PRKCA: variants seen among roughly 807,000 people sequenced by gnomAD.
PRKCA encodes the protein protein kinase C alpha type.
Under a neutral mutation model 87.0 loss-of-function variants are expected in PRKCA, and 27 were observed. The observed-to-expected ratio is 0.31, with a 90% CI of 0.23 to 0.43. PRKCA has a LOEUF of 0.43. Ranked by LOEUF, PRKCA falls within the 20% of genes least tolerant of loss-of-function variation. The pLI, the probability that PRKCA is intolerant of heterozygous loss-of-function variation, is 1.00. For missense variants in PRKCA, 518 were observed against 852.3 expected (o/e 0.61, Z 4.88); for synonymous variants, 329 against 311.1 (o/e 1.06, Z -0.61).
chr17:66,505,068 G>A (rs1210488661), intron 3 of PRKCA, among the ~76,000 whole-genome samples: 3 of 152,084 alleles, frequency 2.0e-5, no homozygotes, highest in African/African-American at 7.2e-5. Context: ...AAGTTATTTC[G>A]GGGAAACACA....
chr17:66,355,029 A>G (rs1907969215), intron 2 of PRKCA, among the ~76,000 whole-genome samples: 1 of 152,216 alleles, frequency 6.6e-6, no homozygotes, highest in Non-Finnish European at 1.5e-5. Context: ...GAGGGGGCGA[A>G]AACAGAGTGA....
At chr17:66,606,998 G>A (rs959377662) in intron 3 of PRKCA, among the ~76,000 whole-genome samples, 4 of 152,194 alleles carry the variant, frequency 2.6e-5, no homozygotes, top group African/African-American at 9.7e-5. Context: ...CAGCGATGGA[G>A]TTGTGGTGGA....
At chr17:66,644,987 C>T (rs936052547) in intron 4 of PRKCA, among the ~76,000 whole-genome samples, 2 of 148,548 alleles carry the variant, frequency 1.3e-5, no homozygotes, top group African/African-American at 2.5e-5. Context: ...GAGACCCTGT[C>T]TGAAGAAAAA....
chr17:66,402,152 TC>T (rs1911069543), intron 2 of PRKCA, among the ~76,000 whole-genome samples: 1 of 152,038 alleles, frequency 6.6e-6, no homozygotes, highest in Admixed American at 6.6e-5. Context: ...GTCAGGAACT[TC>T]AGATGTAGCA....
At chr17:66,378,761 C>T (rs968319241) in intron 2 of PRKCA, among the ~76,000 whole-genome samples, 5 of 151,876 alleles carry the variant, frequency 3.3e-5, no homozygotes, top group African/African-American at 7.3e-5. Context: ...ATTAGCCTGG[C>T]GTGGTGGCAC....
chr17:66,455,577 T>C (rs974145766), intron 2 of PRKCA, among the ~76,000 whole-genome samples: 1 of 152,238 alleles, frequency 6.6e-6, no homozygotes, highest in Non-Finnish European at 1.5e-5. Flanking sequence ...TTAAAGGTGA[T>C]GGAAGTCTGG....
rs556366468 is a variant in PRKCA, at chr17:66,704,171, A to C, written c.918+15124A>C. On this transcript the variant is annotated intron_variant, in intron 8 of 16. Coordinates refer to ENST00000413366, the MANE Select transcript of PRKCA (RefSeq NM_002737.3). Reference sequence around the variant, plus strand: ...ATCTCAGCAAAGTTAAAAAAAAAAAAAAAACAGGAATAGGTTAAGTTCAGA... The same window carrying C: ...ATCTCAGCAAAGTTAAAAAAAAAAACAAAACAGGAATAGGTTAAGTTCAGA... Among the ~76,000 whole-genome samples, 6 of 152,250 alleles carry C rather than the reference A, an allele frequency of 3.9e-5. No homozygotes were observed. The South Asian group carries it at 6.2e-4, about 16-fold the overall frequency.
intron 2 of PRKCA, among the ~76,000 whole-genome samples, chr17:66,414,064 A>T (rs995780366): frequency 2.0e-5 from 3 of 151,932 alleles, no homozygotes; most frequent in African/African-American, 7.3e-5. Flanking sequence ...ATATAAATAG[A>T]TAGGGACGTA....
intron 2 of PRKCA, chr17:66,415,223 A>T (rs1315833830): frequency 6.6e-6 from 1 of 152,216 alleles, no homozygotes; most frequent in Admixed American, 6.5e-5. Context: ...ACTATGATTG[A>T]GCTAAAAGAT....
At chr17:66,506,221 T>G (rs1916969303) in intron 3 of PRKCA, among the ~76,000 whole-genome samples, 1 of 151,610 alleles carries the variant, frequency 6.6e-6, no homozygotes, top group South Asian at 2.1e-4. Context: ...GCTCAAACCC[T>G]GGAGGCGGAG....
At chr17:66,534,956 A>G (rs1458640251) in intron 3 of PRKCA, among the ~76,000 whole-genome samples, 1 of 152,196 alleles carries the variant, frequency 6.6e-6, no homozygotes, top group Non-Finnish European at 1.5e-5. Context: ...ATGCTTTGTT[A>G]CAATTATTTA....
intron 3 of PRKCA, among the ~76,000 whole-genome samples, chr17:66,514,590 C>T (rs1000406728): frequency 1.3e-5 from 2 of 152,114 alleles, no homozygotes; most frequent in African/African-American, 4.8e-5. Context: ...TGTTTCTGTG[C>T]GGGACCCGGC....
chr17:66,618,427 G>A (rs1011908213), intron 3 of PRKCA, among the ~76,000 whole-genome samples: 1 of 150,948 alleles, frequency 6.6e-6, no homozygotes, highest in Non-Finnish European at 1.5e-5. Context: ...TATACATACA[G>A]TCTTTACTCT....
chr17:66,317,360 T>A (rs1246026587), intron 2 of PRKCA, among the ~76,000 whole-genome samples: 1 of 152,144 alleles, frequency 6.6e-6, no homozygotes, highest in African/African-American at 2.4e-5. Flanking sequence ...AGTTTTCATC[T>A]GGGATTGAGA....
chr17:66,404,771 A>ATTTTTTTTTTTTT (rs1445620775), intron 2 of PRKCA, among the ~76,000 whole-genome samples: 1 of 9,530 alleles, frequency 1.0e-4, no homozygotes, highest in Admixed American at 1.2e-3. Flanking sequence ...TTTTTTTTTG[A>ATTTTTTTTTTTTT]GACAGCGTTT....
chr17:66,353,577 G>A (rs2143438665), intron 2 of PRKCA, among the ~76,000 whole-genome samples: 1 of 152,230 alleles, frequency 6.6e-6, no homozygotes, highest in African/African-American at 2.4e-5. Flanking sequence ...TTAGCCGGGT[G>A]TGGTGGCCTG....
chr17:66,555,730 A>AT (rs5821517), intron 3 of PRKCA, among the ~76,000 whole-genome samples: 35,082 of 150,368 alleles, frequency 0.23, 4,132 homozygotes, highest in South Asian at 0.34. Context: ...TTAAAAAAAA[A>AT]TTTTTTTTTT....
intron 2 of PRKCA, among the ~76,000 whole-genome samples, chr17:66,334,562 A>G (rs553510971): frequency 1.3e-5 from 2 of 152,344 alleles, no homozygotes; most frequent in South Asian, 2.1e-4. Context: ...CAAGACCACA[A>G]TGAGATACTG....
chr17:66,563,529 A>T (rs1968780414), intron 3 of PRKCA, among the ~76,000 whole-genome samples: 1 of 152,160 alleles, frequency 6.6e-6, no homozygotes, highest in African/African-American at 2.4e-5. Context: ...GCTAAATCAT[A>T]TTCCATCATC....
Sources: gnomAD v4.1 joint callset for allele counts (sites outside exome capture counted in the v4.1 genomes callset) on GRCh38, gnomAD v4.1.1 for gene constraint, MANE v1.5 for transcripts, NCBI Gene and HGNC (gene_info 2026-07-23, HGNC 2026-07-21) for gene names.